The following SLC24A2 variants were observed in gnomAD, a reference collection of about 807,000 sequenced individuals.
SLC24A2 encodes sodium/potassium/calcium exchanger 2.
A neutral mutation model predicts 62.0 loss-of-function variants in SLC24A2; 36 were observed. The ratio of observed to expected loss-of-function variants is 0.58; its 90% confidence interval spans 0.44 to 0.77. SLC24A2 has a LOEUF of 0.77. SLC24A2 is among the 30% of genes least tolerant of loss of function. The pLI is 0.00. For synonymous variants in SLC24A2, 358 were observed against 294.0 expected (o/e 1.22, Z -2.23); for missense variants, 846 against 817.9 (o/e 1.03, Z -0.42).
In SLC24A2 at chr9:19,593,283, C is replaced by T. The variant is rs1006004707; in HGVS notation, c.1129+3946G>A. 3.3e-4 allele frequency among the ~76,000 whole-genome samples: 50 copies of T among 152,182 alleles called. 1 individual carries two copies. Among genetic ancestry groups the T allele is most frequent in the Non-Finnish European group, 1.0e-4 (7 of 68,032 alleles). On this transcript the variant is annotated intron_variant, in intron 5 of 10. Coordinates refer to ENST00000341998, the MANE Select transcript of SLC24A2 (RefSeq NM_020344.4). ...TAGGAGAACTGTGTTTAATCTCCTC[C>T]GCTCTGCCCCCAATCCAGCACCTGG...
rs1832801085 is a variant in SLC24A2 at position 19,513,301 on chromosome 9, T to C, written c.*2852A>G. On this transcript the variant is annotated 3_prime_UTR_variant, in exon 11 of 11. Coordinates refer to ENST00000341998, the MANE Select transcript of SLC24A2 (RefSeq NM_020344.4). Reference sequence around the variant, plus strand: ...CTTATAATTATGCCAATGATTTGAATGGTTTAAAGACCCATTGTTGAACTC... The same window carrying C: ...CTTATAATTATGCCAATGATTTGAACGGTTTAAAGACCCATTGTTGAACTC... The C allele has an allele frequency of 6.6e-6, 1 of 151,790 alleles. No individual in the cohort carries two copies. The highest frequency in any genetic ancestry group is 2.4e-5 in the African/African-American group (1 of 41,272). The allele number at this position is 151,790 out of a possible 1,614,324, so 9.4% of individuals were successfully genotyped here. A position where few individuals can be genotyped will look rare whatever the true frequency, so the allele number is the denominator to read the frequency against.
chr9:19,854,620 A>G, the SLC24A2 span, among the ~76,000 whole-genome samples: 19 of 152,180 alleles, frequency 1.2e-4, no homozygotes, highest in Non-Finnish European at 2.5e-4. Flanking sequence ...TGAGTTTCTT[A>G]ATCTTGAGTT....
the SLC24A2 span, among the ~76,000 whole-genome samples, chr9:20,263,393 A>G: frequency 6.6e-6 from 1 of 152,078 alleles, no homozygotes; most frequent in Non-Finnish European, 1.5e-5. Context: ...CTGGGACCAC[A>G]GGTGTGCACC....
At chr9:19,518,958 C>T (rs1833063667) in intron 10 of SLC24A2, among the ~76,000 whole-genome samples, 1 of 152,074 alleles carries the variant, frequency 6.6e-6, no homozygotes, top group Non-Finnish European at 1.5e-5. Context: ...ATTAATACTG[C>T]TTAAAGGAAT....
chr9:19,954,201 A>T, the SLC24A2 span, among the ~76,000 whole-genome samples: 1 of 152,222 alleles, frequency 6.6e-6, no homozygotes, highest in East Asian at 1.9e-4. Context: ...ATTTCCCTAT[A>T]TTTATTTTAT....
chr9:19,684,856 C>G (rs1402548046), intron 2 of SLC24A2, among the ~76,000 whole-genome samples: 4 of 151,956 alleles, frequency 2.6e-5, no homozygotes, highest in African/African-American at 7.3e-5. Context: ...CCAGAGCAAG[C>G]AGGCAAGAGA....
chr9:19,844,898 A>G, the SLC24A2 span, among the ~76,000 whole-genome samples: 2 of 148,870 alleles, frequency 1.3e-5, no homozygotes, highest in African/African-American at 2.5e-5. Context: ...TACCAGTACC[A>G]TGCTATTTTG....
At chr9:20,279,861 A>G in the SLC24A2 span, among the ~76,000 whole-genome samples, 1 of 152,168 alleles carries the variant, frequency 6.6e-6, no homozygotes, top group Admixed American at 6.5e-5. Context: ...GGTCTCAGGG[A>G]CACACTCTCA....
rs566094613 is a variant in SLC24A2 at position 19,553,639 on chromosome 9, G to T, written c.1348-3371C>A. 2.0e-5 allele frequency among the ~76,000 whole-genome samples: 3 copies of T among 152,306 alleles called. No homozygotes were observed. In the South Asian group the frequency reaches 6.2e-4, roughly 32 times the overall value. On this transcript the variant is annotated intron_variant, in intron 7 of 10. Transcript: ENST00000341998. ...TGCAGCATGCTGGGCAGAGTAGGTGGTAGAGAATCAGGAATCCTGAGTTCC... is the reference window on the plus strand; with the variant it reads ...TGCAGCATGCTGGGCAGAGTAGGTGTTAGAGAATCAGGAATCCTGAGTTCC...
chr9:20,064,076 G>T, the SLC24A2 span, among the ~76,000 whole-genome samples: 1 of 152,128 alleles, frequency 6.6e-6, no homozygotes, highest in Non-Finnish European at 1.5e-5. Flanking sequence ...TAACCCAAGT[G>T]TCTAACAATC....
chr9:19,785,056 C>T (rs1481133147), intron 2 of SLC24A2, among the ~76,000 whole-genome samples: 2 of 152,128 alleles, frequency 1.3e-5, no homozygotes, highest in African/African-American at 2.4e-5. Context: ...AAATCACATT[C>T]AGAGATGATA....
At chr9:19,592,948 CA>C (rs1836600499) in intron 5 of SLC24A2, among the ~76,000 whole-genome samples, 2 of 152,190 alleles carry the variant, frequency 1.3e-5, no homozygotes, top group Admixed American at 6.5e-5. Context: ...CATCTTATTA[CA>C]GGGGCAAAGT....
chr9:20,055,710 A>G, the SLC24A2 span, among the ~76,000 whole-genome samples: 1 of 152,170 alleles, frequency 6.6e-6, no homozygotes, highest in South Asian at 2.1e-4. Context: ...CAACATGGTG[A>G]AAAACAATCT....
the SLC24A2 span, among the ~76,000 whole-genome samples, chr9:19,891,219 A>T: frequency 9.1e-4 from 138 of 152,122 alleles, no homozygotes; most frequent in Non-Finnish European, 1.6e-3. Flanking sequence ...TGTCCTGTTC[A>T]CACCAGCCTC....
chr9:20,079,346 C>T, the SLC24A2 span, among the ~76,000 whole-genome samples: 11 of 152,306 alleles, frequency 7.2e-5, 1 homozygote, highest in Middle Eastern at 6.8e-3. Flanking sequence ...GTTGCACAGC[C>T]ATGCAACTAC....
chr9:19,724,974 G>A (rs1315107251), intron 2 of SLC24A2, among the ~76,000 whole-genome samples: 1 of 152,084 alleles, frequency 6.6e-6, no homozygotes, highest in Non-Finnish European at 1.5e-5. Context: ...AACACTCCTT[G>A]CCAGAGGAGC....
chr9:19,779,476 A>T (rs1394027534), intron 2 of SLC24A2, among the ~76,000 whole-genome samples: 1 of 152,226 alleles, frequency 6.6e-6, no homozygotes, highest in Non-Finnish European at 1.5e-5. Flanking sequence ...ACGAGAAAAT[A>T]ATTTTCTACT....
intron 2 of SLC24A2, among the ~76,000 whole-genome samples, chr9:19,744,540 C>A (rs1281373059): frequency 6.6e-6 from 1 of 152,122 alleles, no homozygotes; most frequent in Non-Finnish European, 1.5e-5. Flanking sequence ...AAAGCATATG[C>A]CCCAAGGAAA....
chr9:20,180,482 T>G, the SLC24A2 span, among the ~76,000 whole-genome samples: 158 of 152,308 alleles, frequency 1.0e-3, 7 homozygotes, highest in South Asian at 0.031. Flanking sequence ...TTTTAAAAAT[T>G]CATCCAAAAA....
Sources: allele counts gnomAD v4.1 joint callset (sites outside exome capture counted in the v4.1 genomes callset), GRCh38; gene constraint gnomAD v4.1.1; transcripts MANE v1.5; gene names NCBI Gene and HGNC (gene_info 2026-07-23, HGNC 2026-07-21).